CAMKMT: variants seen among roughly 807,000 people sequenced by gnomAD.
CAMKMT encodes the protein calmodulin-lysine N-methyltransferase.
Under a neutral mutation model 48.0 loss-of-function variants are expected in CAMKMT, and 53 were observed. The observed-to-expected ratio is 1.10, with a 90% CI of 0.89 to 1.39. CAMKMT has a LOEUF of 1.39. CAMKMT is among the 40% of genes most tolerant of loss of function. The pLI, the probability that CAMKMT is intolerant of heterozygous loss-of-function variation, is 0.00. For missense variants in CAMKMT, 428 were observed against 402.7 expected (o/e 1.06, Z -0.54); for synonymous variants, 165 against 152.3 (o/e 1.08, Z -0.61).
chr2:44,490,909 G>A (rs1471738279), intron 3 of CAMKMT, among the ~76,000 whole-genome samples: 1 of 152,042 alleles, frequency 6.6e-6, no homozygotes, highest in Non-Finnish European at 1.5e-5. Context: ...CAACACTTTG[G>A]GAGTCCGAGG....
Position 44,657,993 on chromosome 2 carries a change from C to G in CAMKMT, c.377-46290C>G, listed in dbSNP as rs1183169214. On this transcript the variant is annotated intron_variant, in intron 3 of 10. Coordinates refer to ENST00000378494, the MANE Select transcript of CAMKMT (RefSeq NM_024766.5). The surrounding 1 kb of genome is among the most constrained non-coding windows in gnomAD (Gnocchi z 4.3). ...ATTATTTTTCACACAGATTTACTCTCCTGAATTTTCCAGAAATGTAGATAC... is the reference window on the plus strand; with the variant it reads ...ATTATTTTTCACACAGATTTACTCTGCTGAATTTTCCAGAAATGTAGATAC... 6.6e-6 allele frequency among the ~76,000 whole-genome samples: 1 copy of G among 152,176 alleles called. No individual in the cohort carries two copies. The highest frequency in any genetic ancestry group is 1.5e-5 in the Non-Finnish European group (1 of 68,032).
At chr2:44,520,733 A>C (rs559358096) in intron 3 of CAMKMT, among the ~76,000 whole-genome samples, 1 of 152,290 alleles carries the variant, frequency 6.6e-6, no homozygotes, top group African/African-American at 2.4e-5. Context: ...CTTGAATTGT[A>C]ATCCCCATAA....
At chr2:44,710,629 G>A (rs1263421499) in intron 6 of CAMKMT, among the ~76,000 whole-genome samples, 1 of 142,078 alleles carries the variant, frequency 7.0e-6, no homozygotes, top group African/African-American at 2.5e-5. Flanking sequence ...TTTTTTTTTT[G>A]GCAATGCCCC....
At chr2:44,635,760 A>G (rs1318070289) in intron 3 of CAMKMT, among the ~76,000 whole-genome samples, 3 of 152,212 alleles carry the variant, frequency 2.0e-5, no homozygotes, top group South Asian at 2.1e-4. Context: ...GCTCCTTAGA[A>G]GAGGTTAGCA....
At chr2:44,666,901 C>T (rs536424511) in intron 3 of CAMKMT, among the ~76,000 whole-genome samples, 142 of 152,318 alleles carry the variant, frequency 9.3e-4, no homozygotes, top group Admixed American at 1.9e-3. Context: ...AGCTACCACG[C>T]CCAGCTATGT....
At chr2:44,474,634 A>G (rs531308969) in intron 3 of CAMKMT, among the ~76,000 whole-genome samples, 3 of 152,298 alleles carry the variant, frequency 2.0e-5, no homozygotes, top group African/African-American at 7.2e-5. Context: ...AACTAGACCT[A>G]TAATCTCTAA....
At chr2:44,567,429 C>G (rs1327921453) in intron 3 of CAMKMT, among the ~76,000 whole-genome samples, 3 of 152,182 alleles carry the variant, frequency 2.0e-5, no homozygotes, top group Non-Finnish European at 4.4e-5. Flanking sequence ...CGGCTATCAA[C>G]TGGGATAGAA....
chr2:44,757,875 T>A (rs572391236), intron 9 of CAMKMT, among the ~76,000 whole-genome samples: 1 of 152,158 alleles, frequency 6.6e-6, no homozygotes. Context: ...CTCGGCCTTA[T>A]GGGGGCCTTT....
At chr2:44,440,588 A>C (rs906573831) in intron 3 of CAMKMT, among the ~76,000 whole-genome samples, 1 of 152,204 alleles carries the variant, frequency 6.6e-6, no homozygotes, top group Non-Finnish European at 1.5e-5. Context: ...AATTTAATTT[A>C]ATAAATTAAA....
chr2:44,569,592 T>A (rs1258596975), intron 3 of CAMKMT, among the ~76,000 whole-genome samples: 2 of 152,310 alleles, frequency 1.3e-5, no homozygotes, highest in East Asian at 3.9e-4. Flanking sequence ...TTTCATTGCA[T>A]CTCTTCTCTC....
chr2:44,761,704 T>C (rs1194723782), intron 9 of CAMKMT, among the ~76,000 whole-genome samples: 2 of 152,156 alleles, frequency 1.3e-5, no homozygotes, highest in East Asian at 3.8e-4. Flanking sequence ...ATGCCATGTT[T>C]CCCAAGTTTC....
chr2:44,592,277 G>A (rs940966789), intron 3 of CAMKMT, among the ~76,000 whole-genome samples: 3 of 133,284 alleles, frequency 2.3e-5, no homozygotes, highest in Non-Finnish European at 4.9e-5. Context: ...CAATATTCAG[G>A]TTATTTCTTC....
chr2:44,503,761 T>G (rs1670118239), intron 3 of CAMKMT, among the ~76,000 whole-genome samples: 2 of 152,164 alleles, frequency 1.3e-5, no homozygotes, highest in Admixed American at 1.3e-4. Flanking sequence ...ACAAAATACC[T>G]TAGACTGGTT....
At chr2:44,592,029 C>G (rs937123656) in intron 3 of CAMKMT, among the ~76,000 whole-genome samples, 2 of 135,076 alleles carry the variant, frequency 1.5e-5, no homozygotes, top group East Asian at 4.2e-4. Flanking sequence ...CACATGGACA[C>G]AGGAAGGGGA....
intron 3 of CAMKMT, among the ~76,000 whole-genome samples, chr2:44,506,623 A>G (rs752974080): frequency 1.8e-4 from 28 of 152,164 alleles, no homozygotes; most frequent in Non-Finnish European, 3.2e-4. Context: ...GGGGGACTCT[A>G]TGAATACAGA....
intron 3 of CAMKMT, 69 bp downstream of exon 3, chr2:44,390,374 TC>T: frequency 9.0e-7 from 1 of 1,108,862 alleles, no homozygotes; most frequent in South Asian, 1.4e-5. Context: ...GTTGATGTTT[TC>T]TTCTCACTAA....
At chr2:44,570,432 A>G (rs1572825204) in intron 3 of CAMKMT, among the ~76,000 whole-genome samples, 1 of 152,336 alleles carries the variant, frequency 6.6e-6, no homozygotes, top group East Asian at 1.9e-4. Context: ...TGTTAGAGGA[A>G]TAGATTTATC....
chr2:44,666,915 T>C (rs1178211902), intron 3 of CAMKMT, among the ~76,000 whole-genome samples: 1 of 152,212 alleles, frequency 6.6e-6, no homozygotes, highest in African/African-American at 2.4e-5. Flanking sequence ...GCTATGTTCT[T>C]AATTTGTTAA....
At chr2:44,700,651 C>T (rs371988282) in intron 3 of CAMKMT, among the ~76,000 whole-genome samples, 189 of 152,268 alleles carry the variant, frequency 1.2e-3, no homozygotes, top group Non-Finnish European at 1.8e-3. Flanking sequence ...CTTATATGGA[C>T]GCAATTCATG....
Sources: allele counts gnomAD v4.1 joint callset (sites outside exome capture counted in the v4.1 genomes callset), GRCh38; gene constraint gnomAD v4.1.1; non-coding constraint Gnocchi (gnomAD v3.1); transcripts MANE v1.5; gene names NCBI Gene and HGNC (gene_info 2026-07-23, HGNC 2026-07-21).